The following TTC7B variants were observed in gnomAD, a reference collection of about 807,000 sequenced individuals.
The protein encoded by TTC7B is tetratricopeptide repeat protein 7B.
Under a neutral mutation model 106.8 loss-of-function variants are expected in TTC7B, and 28 were observed. That is an observed-to-expected ratio of 0.26 (90% CI 0.19 to 0.36). TTC7B has a LOEUF of 0.36. Among genes scored for constraint, TTC7B ranks in the 10% least tolerant of loss-of-function variants. The probability of loss-of-function intolerance (pLI) is 1.00; values close to 1 mark genes in which losing one functional copy is unlikely to be tolerated. For missense variants in TTC7B, 862 were observed against 1,076.4 expected, an observed-to-expected ratio of 0.80 and a Z score of 2.79; for synonymous variants, 405 against 430.6, an observed-to-expected ratio of 0.94 and a Z score of 0.74.
chr14:90,651,886 T>C (rs1352908184), intron 13 of TTC7B, among the ~76,000 whole-genome samples: 2 of 152,214 alleles, frequency 1.3e-5, no homozygotes, highest in Non-Finnish European at 2.9e-5. Flanking sequence ...GGAAAGAGTC[T>C]AACGAAGCTT....
intron 4 of TTC7B, among the ~76,000 whole-genome samples, chr14:90,730,473 A>G (rs1166521078): frequency 6.6e-6 from 1 of 152,204 alleles, no homozygotes; most frequent in Non-Finnish European, 1.5e-5. Flanking sequence ...TGTAAGAAGC[A>G]CTAGAGGCGG....
chr14:90,609,205 T>C (rs1423091068), intron 17 of TTC7B, among the ~76,000 whole-genome samples: 1 of 152,164 alleles, frequency 6.6e-6, no homozygotes, highest in African/African-American at 2.4e-5. Context: ...TGCTGAACTG[T>C]TTGGAGAGTG....
chr14:90,749,094 A>G (rs1890056626), intron 3 of TTC7B, among the ~76,000 whole-genome samples: 1 of 152,202 alleles, frequency 6.6e-6, no homozygotes, highest in Admixed American at 6.5e-5. Context: ...TTCTGACAAT[A>G]ATTCTGCTAT....
chr14:90,792,519 G>C (rs993789459), intron 1 of TTC7B, among the ~76,000 whole-genome samples: 1 of 152,198 alleles, frequency 6.6e-6, no homozygotes, highest in Non-Finnish European at 1.5e-5. Flanking sequence ...AGAGGTTGCA[G>C]TGAGCTGAGA....
chr14:90,653,772 G>T (rs1885832584), intron 12 of TTC7B, among the ~76,000 whole-genome samples: 1 of 152,184 alleles, frequency 6.6e-6, no homozygotes, highest in Non-Finnish European at 1.5e-5. Flanking sequence ...CAGTGACACA[G>T]CTAGAGAGAA....
chr14:90,738,098 T>C (rs939281438), intron 4 of TTC7B, among the ~76,000 whole-genome samples: 3 of 152,194 alleles, frequency 2.0e-5, no homozygotes, highest in African/African-American at 7.2e-5. Context: ...ACAGTAATGC[T>C]ATTTTTGAGA....
Position 90,759,518 on chromosome 14 carries a change from T to C in TTC7B, c.446-14596A>G, listed in dbSNP as rs1478836018. 6.6e-6 allele frequency among the ~76,000 whole-genome samples: 1 copy of C among 152,064 alleles called. No homozygotes were observed. Among genetic ancestry groups the C allele is most frequent in the Admixed American group, 6.5e-5 (1 of 15,270 alleles). ...AAACTACAGCGGCCACCACCACACATTGCAGAGGCGAAAACTGCATTAAGG... is the reference window on the plus strand; with the variant it reads ...AAACTACAGCGGCCACCACCACACACTGCAGAGGCGAAAACTGCATTAAGG... On this transcript the variant is annotated intron_variant, in intron 3 of 19. Transcript: ENST00000328459. The surrounding 1 kb of genome is among the most constrained non-coding windows in gnomAD (Gnocchi z 4.1).
chr14:90,777,809 G>A (rs1026695018), intron 3 of TTC7B, among the ~76,000 whole-genome samples: 1 of 152,208 alleles, frequency 6.6e-6, no homozygotes, highest in Non-Finnish European at 1.5e-5. Context: ...GCCCGCAATT[G>A]CCCTGTTAGT....
At chr14:90,641,636 G>A (rs554244610) in intron 15 of TTC7B, among the ~76,000 whole-genome samples, 1 of 152,308 alleles carries the variant, frequency 6.6e-6, no homozygotes, top group East Asian at 1.9e-4. Flanking sequence ...AACAAGTCAC[G>A]GACTGCTCTC....
chr14:90,781,024 C>A, intron 2 of TTC7B, 118 bp from the exon 3 acceptor site: 1 of 872,252 alleles, frequency 1.1e-6, no homozygotes, highest in South Asian at 1.6e-5. Flanking sequence ...AGAGCTTGGA[C>A]GTGAATGTTC....
chr14:90,687,520 G>C (rs76324158), intron 7 of TTC7B, among the ~76,000 whole-genome samples: 28,612 of 152,132 alleles, frequency 0.19, 2,842 homozygotes, highest in Middle Eastern at 0.3. Flanking sequence ...ACTGGGGGAA[G>C]AGGGTGAGAA....
chr14:90,602,100 G>A lies in TTC7B; in HGVS notation c.1967-8474C>T, dbSNP rs188358863. ...GGTGGAATCAACTCTTAAGGGTGAGGGGCAGTATTTGCCATAAGCTAAAGG... is the reference window on the plus strand; with the variant it reads ...GGTGGAATCAACTCTTAAGGGTGAGAGGCAGTATTTGCCATAAGCTAAAGG... On this transcript the variant is annotated intron_variant, in intron 17 of 19. Coordinates refer to ENST00000328459, the MANE Select transcript of TTC7B (RefSeq NM_001010854.2). 1.6e-3 allele frequency: 724 copies of A among 455,966 alleles called. 1 individual carries two copies. Among genetic ancestry groups the A allele is most frequent in the Non-Finnish European group, 2.6e-3 (598 of 226,764 alleles). 28.2% of individuals were successfully genotyped at this position (455,966 alleles called of 1,614,324 possible). A position where few individuals can be genotyped will look rare whatever the true frequency, so the allele number is the denominator to read the frequency against.
At chr14:90,723,132 A>G (rs1158334246) in intron 5 of TTC7B, among the ~76,000 whole-genome samples, 1 of 152,180 alleles carries the variant, frequency 6.6e-6, no homozygotes, top group Non-Finnish European at 1.5e-5. Context: ...CCTTTTCCAG[A>G]TCTGATCCTC....
intron 5 of TTC7B, among the ~76,000 whole-genome samples, chr14:90,704,722 C>T (rs1056106683): frequency 1.3e-5 from 2 of 152,178 alleles, no homozygotes; most frequent in African/African-American, 4.8e-5. Flanking sequence ...GGCGTCTGAG[C>T]TTCACAGCAG....
At chr14:90,685,222 T>A (rs1887209722) in intron 7 of TTC7B, among the ~76,000 whole-genome samples, 1 of 152,206 alleles carries the variant, frequency 6.6e-6, no homozygotes, top group Non-Finnish European at 1.5e-5. Context: ...ATACTTCTCA[T>A]AAGAGACTGT....
chr14:90,552,597 C>A (rs138720854), intron 19 of TTC7B, among the ~76,000 whole-genome samples: 2 of 152,300 alleles, frequency 1.3e-5, no homozygotes, highest in Non-Finnish European at 2.9e-5. Flanking sequence ...TCCACAAAGG[C>A]CGCTGACGTG....
rs145774868 is a variant in TTC7B, at chr14:90,583,732, C to T, written c.2108-5424G>A. 1.4e-4 allele frequency among the ~76,000 whole-genome samples: 22 copies of T among 152,244 alleles called. No individual in the cohort carries two copies. In the East Asian group the frequency reaches 4.3e-3, roughly 29 times the overall value. ...TCACCAAAGGCAAGGGGCGTGGATACTTCCTACCTTATTTTGAGAGCTCCA... is the reference window on the plus strand; with the variant it reads ...TCACCAAAGGCAAGGGGCGTGGATATTTCCTACCTTATTTTGAGAGCTCCA... On this transcript the variant is annotated intron_variant, in intron 18 of 19. Transcript: ENST00000328459.
At chr14:90,576,030 G>C (rs1363773932) in intron 19 of TTC7B, among the ~76,000 whole-genome samples, 3 of 151,992 alleles carry the variant, frequency 2.0e-5, no homozygotes, top group Non-Finnish European at 2.9e-5. Flanking sequence ...GCTCCTTTCA[G>C]AAAGGAAAGT....
In TTC7B at chr14:90,794,211, CTTTTTTTTT is replaced by C. The variant is rs1186061223; in HGVS notation, c.122-7892_122-7884del. Among the ~76,000 whole-genome samples the C allele has an allele frequency of 1.0e-3, 46 of 45,124 alleles. No individual in the cohort carries two copies. In the South Asian group the frequency reaches 0.033, roughly 32 times the overall value. The allele number at this position is 45,124 out of a possible 152,430, so 29.6% of individuals were successfully genotyped here. A position where few individuals can be genotyped will look rare whatever the true frequency, so the allele number is the denominator to read the frequency against. ...AGCCACTGCACCTGGCTGGGTATTT[CTTTTTTTTT>C]TTTTTTTTTTTTTTTTTGAGACGGA... On this transcript the variant is annotated intron_variant, in intron 1 of 19. Coordinates refer to ENST00000328459, the MANE Select transcript of TTC7B (RefSeq NM_001010854.2).
Sources: allele counts gnomAD v4.1 joint callset (sites outside exome capture counted in the v4.1 genomes callset), GRCh38; gene constraint gnomAD v4.1.1; non-coding constraint Gnocchi (gnomAD v3.1); transcripts MANE v1.5; gene names NCBI Gene and HGNC (gene_info 2026-07-23, HGNC 2026-07-21).